USP24: variants seen among roughly 807,000 people sequenced by gnomAD.
USP24 encodes ubiquitin specific peptidase 24.
A neutral mutation model predicts 361.6 loss-of-function variants in USP24; 97 were observed. The observed-to-expected ratio is 0.27, with a 90% confidence interval of 0.23 to 0.32. The LOEUF (loss-of-function observed/expected upper bound fraction) is 0.32. Ranked by LOEUF, USP24 falls within the 10% of genes least tolerant of loss-of-function variation. USP24 has a pLI of 1.00. For synonymous variants in USP24, 1,098 were observed against 1,124.6 expected, an observed-to-expected ratio of 0.98 and a Z score of 0.47; for missense variants, 2,353 against 3,165.6, an observed-to-expected ratio of 0.74 and a Z score of 6.16.
intron 56 of USP24, 32 bp downstream of exon 56, chr1:55,085,910 T>C: frequency 1.3e-6 from 2 of 1,589,848 alleles, no homozygotes; most frequent in Non-Finnish European, 8.6e-7. Context: ...AAAAACACAG[T>C]GTATAAATAA....
chr1:55,110,964 G>A (rs1244204504), intron 38 of USP24, among the ~76,000 whole-genome samples: 1 of 151,920 alleles, frequency 6.6e-6, no homozygotes, highest in African/African-American at 2.4e-5. Flanking sequence ...AAACTAATGA[G>A]GAGAATATAT....
At chr1:55,160,579 T>C (rs17111686) in intron 8 of USP24, among the ~76,000 whole-genome samples, 2,133 of 152,322 alleles carry the variant, frequency 0.014, 34 homozygotes, top group African/African-American at 0.047. Flanking sequence ...AAGTAACATG[T>C]ATTATATGAG....
rs71735129 is a variant in USP24 at position 55,068,740 on chromosome 1, CGT to C, written c.*303_*304del. The C allele has an allele frequency of 0.12, 45,953 of 372,688 alleles. 3,406 individuals are homozygous for C. Among genetic ancestry groups the C allele is most frequent in the Non-Finnish European group, 0.15 (32,067 of 207,576 alleles). The allele number at this position is 372,688 out of a possible 1,614,324, so 23.1% of individuals were successfully genotyped here. ...AGCTTTATGCTCACTCTTGTATGTT[CGT>C]GTAACAAAAAAGTCTGCCACTGGCT... On this transcript the variant is annotated 3_prime_UTR_variant, in exon 68 of 68. Transcript: ENST00000294383.
Position 55,106,168 on chromosome 1 carries a change from T to C in USP24, c.4858A>G (p.Ser1620Gly), listed in dbSNP as rs371624094. The C allele has an allele frequency of 3.1e-6, 5 of 1,613,700 alleles. No individual in the cohort carries two copies. The highest frequency in any genetic ancestry group is 1.7e-5 in the Admixed American group (1 of 60,012). Residue 1620 changes from serine (S) to glycine (G), a missense_variant, in exon 41 of 68, where the codon AGT becomes GGT. Physicochemically the swap from Ser to Gly is moderately conservative, Grantham distance 56. Around this residue, in one of 8 missense-constraint regions of USP24, gnomAD observed 949 missense variants for 1,280.5 expected, o/e 0.74. Transcript: ENST00000294383. ...SHSPAGSAAI[S>G]QQDFHPKCST... ...TACTTTGGATGAAAGTCCTGTTGAC[T>C]GATGGCGGCACTGCCAGCTGGAGAA...
rs369441609 is a variant in USP24, at chr1:55,107,393, C to G, written c.4608G>C (p.Thr1536=). The G allele has an allele frequency of 6.2e-7, 1 of 1,612,638 alleles. No homozygotes were observed. Among genetic ancestry groups the G allele is most frequent in the Non-Finnish European group, 8.5e-7 (1 of 1,179,340 alleles). ...EMEQLRISPA[T]MLEDEITWLD... ...GCCAAGTAATCTCATCTTCAAGCATCGTAGCTGGGCTGATCCTTAACTGCT... is the reference window on the plus strand; with the variant it reads ...GCCAAGTAATCTCATCTTCAAGCATGGTAGCTGGGCTGATCCTTAACTGCT... The change falls in exon 40 of 68, where the codon ACG becomes ACC. Residue 1536 remains threonine (T), a synonymous_variant. Transcript: ENST00000294383.
chr1:55,212,962 T>C (rs909792848), intron 1 of USP24, among the ~76,000 whole-genome samples: 2 of 152,198 alleles, frequency 1.3e-5, no homozygotes, highest in African/African-American at 4.8e-5. Flanking sequence ...GTACTGGCAG[T>C]AAGCTAAGGT....
At chr1:55,081,506 A>G (rs571337261) in intron 58 of USP24, 82 bp from the exon 59 acceptor site, 1 of 1,314,308 alleles carries the variant, frequency 7.6e-7, no homozygotes, top group Middle Eastern at 1.8e-4. Flanking sequence ...TTGCTGGTTC[A>G]TAATATTCTG....
chr1:55,154,465 C>A lies in USP24; in HGVS notation c.1556G>T (p.Ser519Ile), dbSNP rs1223438138. The A allele has an allele frequency of 6.4e-7, 1 of 1,550,942 alleles. No homozygotes were observed. Among genetic ancestry groups the A allele is most frequent in the Admixed American group, 2.0e-5 (1 of 50,874 alleles). Residue 519 changes from serine (S) to isoleucine (I), a missense_variant and splice_region_variant, in exon 14 of 68, where the codon AGC becomes ATC. Around this residue, in one of 8 missense-constraint regions of USP24, gnomAD observed 386 missense variants for 560.5 expected, o/e 0.69. Coordinates refer to ENST00000294383, the MANE Select transcript of USP24 (RefSeq NM_015306.3). Reference protein sequence around the residue: ...LNHLFVLIQKSWETESDRVRQ... With the variant: ...LNHLFVLIQKIWETESDRVRQ... Reference sequence around the variant, plus strand: ...TACTCTATCACTCTCAGTCTCCCAGCTCTGTAGAACGGAAAAGACACAGGA... The same window carrying A: ...TACTCTATCACTCTCAGTCTCCCAGATCTGTAGAACGGAAAAGACACAGGA...
At chr1:55,084,731 A>AC in intron 56 of USP24, among the ~76,000 whole-genome samples, 1 of 152,106 alleles carries the variant, frequency 6.6e-6, no homozygotes, top group Middle Eastern at 3.4e-3. Flanking sequence ...TTACGGGGGG[A>AC]GGGGGGCAAA....
chr1:55,102,239 T>C (rs1179495080), intron 42 of USP24, among the ~76,000 whole-genome samples: 2 of 152,212 alleles, frequency 1.3e-5, no homozygotes, highest in Non-Finnish European at 2.9e-5. Context: ...TAATTCCTTT[T>C]AGAGAAGGTA....
chr1:55,075,372 A>T, intron 63 of USP24, 85 bp downstream of exon 63: 1 of 1,286,330 alleles, frequency 7.8e-7, no homozygotes, highest in East Asian at 2.6e-5. Context: ...TCCCACCGAG[A>T]GTAGCAGGAG....
intron 33 of USP24, 38 bp downstream of exon 33, chr1:55,125,625 G>A: frequency 2.5e-6 from 4 of 1,575,836 alleles, no homozygotes; most frequent in Non-Finnish European, 3.5e-6. Flanking sequence ...AAAAAGTCAA[G>A]TATTGCCTGG....
At position 55,197,400 on chromosome 1, in the gene USP24, A is replaced by G. The variant is rs1644448432; in HGVS notation, c.324+17390T>C. ...AGGGCAGAATTGTTTTGTTTGTTCC[A>G]TTATCTGTAACAGTCCCTAAGACAG... On this transcript the variant is annotated intron_variant, in intron 1 of 67. Transcript: ENST00000294383. 3.3e-5 allele frequency among the ~76,000 whole-genome samples: 5 copies of G among 152,160 alleles called. No individual in the cohort carries two copies. The South Asian group carries it at 1.0e-3, about 32-fold the overall frequency.
At chr1:55,174,473 A>G (rs1649757790) in intron 3 of USP24, among the ~76,000 whole-genome samples, 1 of 152,260 alleles carries the variant, frequency 6.6e-6, no homozygotes, top group South Asian at 2.1e-4. Context: ...ACTGAATAAT[A>G]TAAGGCATGG....
chr1:55,127,553 C>T (rs1646469480), intron 32 of USP24, among the ~76,000 whole-genome samples: 1 of 152,106 alleles, frequency 6.6e-6, no homozygotes, highest in African/African-American at 2.4e-5. Flanking sequence ...TTTATAGCAG[C>T]ATGATTTATA....
At chr1:55,213,906 G>A (rs868675520) in intron 1 of USP24, among the ~76,000 whole-genome samples, 21 of 151,772 alleles carry the variant, frequency 1.4e-4, no homozygotes, top group African/African-American at 4.8e-4. Context: ...ACCCTGTTCC[G>A]CGCCCCTCTG....
intron 45 of USP24, among the ~76,000 whole-genome samples, chr1:55,099,220 TAA>T (rs1239585303): frequency 6.6e-6 from 1 of 152,148 alleles, no homozygotes; most frequent in African/African-American, 2.4e-5. Context: ...TAGTAGAGAT[TAA>T]GAGTTACATA....
At chr1:55,131,026 T>C (rs977838158) in intron 31 of USP24, among the ~76,000 whole-genome samples, 19 of 152,196 alleles carry the variant, frequency 1.2e-4, no homozygotes, top group Non-Finnish European at 4.4e-5. Flanking sequence ...ATTTAGATAG[T>C]TGATGACAAG....
intron 1 of USP24, among the ~76,000 whole-genome samples, chr1:55,206,681 G>C (rs888212370): frequency 1.3e-4 from 20 of 150,562 alleles, no homozygotes; most frequent in East Asian, 3.9e-4. Context: ...AAAGGGTCGG[G>C]GGGGCATGAG....
Sources: gnomAD v4.1 joint callset for allele counts (sites outside exome capture counted in the v4.1 genomes callset) on GRCh38, gnomAD v4.1.1 for gene constraint, gnomAD v4.1.1 regional missense constraint, MANE v1.5 for transcripts, NCBI Gene and HGNC (gene_info 2026-07-23, HGNC 2026-07-21) for gene names.